Variants in ABHD12B observed in about 807,000 individuals in gnomAD.
The protein encoded by ABHD12B is abhydrolase domain containing 12B.
A neutral mutation model predicts 50.4 loss-of-function variants in ABHD12B; 42 were observed. That is an observed-to-expected ratio of 0.83 (90% CI 0.65 to 1.08). The LOEUF is 1.08. Ranked by LOEUF, ABHD12B falls within the 50% of genes least tolerant of loss-of-function variation. The pLI, the probability that ABHD12B is intolerant of heterozygous loss-of-function variation, is 0.00. For synonymous variants in ABHD12B, 167 were observed against 160.3 expected, an observed-to-expected ratio of 1.04 and a Z score of -0.32; for missense variants, 479 against 447.7, an observed-to-expected ratio of 1.07 and a Z score of -0.63.
At chr14:50,875,757 C>T (rs1243531975) in intron 1 of ABHD12B, among the ~76,000 whole-genome samples, 2 of 152,186 alleles carry the variant, frequency 1.3e-5, no homozygotes, top group Admixed American at 6.5e-5. Context: ...TCTGGTCACT[C>T]TGTTCTCTTC....
Position 50,872,289 on chromosome 14 carries a change from C to A in ABHD12B, c.104+11C>A. On this transcript the variant is annotated intron_variant, in intron 1 of 12. Coordinates refer to ENST00000337334, the MANE Select transcript of ABHD12B (RefSeq NM_001206673.2). ...CGACCGCAACCTGCGGTGAGTACCG[C>A]CCGGTCCACCCCTGGCCGGGCCCCG... 7.7e-7 allele frequency: 1 copy of A among 1,296,396 alleles called. No individual in the cohort carries two copies. The highest frequency in any genetic ancestry group is 9.8e-7 in the Non-Finnish European group (1 of 1,021,050). 80.3% of individuals were successfully genotyped at this position (1,296,396 alleles called of 1,614,324 possible). A position where few individuals can be genotyped will look rare whatever the true frequency, so the allele number is the denominator to read the frequency against.
intron 9 of ABHD12B, 34 bp downstream of exon 9, chr14:50,888,937 A>G: frequency 6.3e-7 from 1 of 1,580,092 alleles, no homozygotes; most frequent in Non-Finnish European, 8.7e-7. Flanking sequence ...AAGGGATCAA[A>G]GTAGGCTATT....
chr14:50,878,516 G>A (rs1043738369), intron 2 of ABHD12B, among the ~76,000 whole-genome samples: 1 of 152,180 alleles, frequency 6.6e-6, no homozygotes, highest in Non-Finnish European at 1.5e-5. Flanking sequence ...TCTCTATTAT[G>A]AGCCATGACA....
chr14:50,873,221 TC>T (rs2049810823), intron 1 of ABHD12B, among the ~76,000 whole-genome samples: 1 of 151,164 alleles, frequency 6.6e-6, no homozygotes, highest in African/African-American at 2.4e-5. Flanking sequence ...TCTCTCTCTC[TC>T]TTTTTTTTTT....
chr14:50,884,360 G>A (rs146673364), intron 5 of ABHD12B, among the ~76,000 whole-genome samples: 1,656 of 152,298 alleles, frequency 0.011, 31 homozygotes, highest in African/African-American at 0.036. Flanking sequence ...TGGAGGGAAT[G>A]TAACAGATAT....
At chr14:50,897,046 C>T (rs1024463138) in intron 9 of ABHD12B, among the ~76,000 whole-genome samples, 2 of 150,342 alleles carry the variant, frequency 1.3e-5, no homozygotes, top group Non-Finnish European at 3.0e-5. Context: ...GGTACATAAG[C>T]CTAATAATAT....
At chr14:50,902,894 A>G (rs2050278412) in intron 10 of ABHD12B, among the ~76,000 whole-genome samples, 1 of 152,220 alleles carries the variant, frequency 6.6e-6, no homozygotes, top group South Asian at 2.1e-4. Flanking sequence ...AGACCTGTTA[A>G]CTGCACGTCC....
At position 50,888,755 on chromosome 14, in the gene ABHD12B, C is replaced by T. The variant is rs1038953331; in HGVS notation, c.701-69C>T. 52 of 1,377,612 alleles carry T rather than the reference C, an allele frequency of 3.8e-5. No individual in the cohort carries two copies. In the Middle Eastern group the frequency reaches 1.4e-3, roughly 38 times the overall value. 85.3% of individuals were successfully genotyped at this position (1,377,612 alleles called of 1,614,324 possible). ...CTCATGTACAAGATCTTGAATACCCCTTATCTAGGAAAGATGGTATTTGAA... is the reference window on the plus strand; with the variant it reads ...CTCATGTACAAGATCTTGAATACCCTTTATCTAGGAAAGATGGTATTTGAA... On this transcript the variant is annotated intron_variant, in intron 8 of 12. Coordinates refer to ENST00000337334, the MANE Select transcript of ABHD12B (RefSeq NM_001206673.2).
intron 1 of ABHD12B, 26 bp from the exon 2 acceptor site, chr14:50,877,911 ATTAATTTCGAAAACC>A: frequency 6.8e-7 from 1 of 1,469,024 alleles, no homozygotes; most frequent in African/African-American, 1.4e-5. Context: ...AGACAAATGG[ATTAATTTCGAAAACC>A]TTGTGTGTTT....
At chr14:50,893,004 T>C (rs1221205975) in intron 9 of ABHD12B, 1 of 152,228 alleles carries the variant, frequency 6.6e-6, no homozygotes, top group Non-Finnish European at 1.5e-5. Context: ...CTGTGTATGA[T>C]TTTAGTCTTT....
chr14:50,877,617 G>A (rs772538242), intron 1 of ABHD12B, among the ~76,000 whole-genome samples: 1 of 152,160 alleles, frequency 6.6e-6, no homozygotes, highest in Admixed American at 6.5e-5. Context: ...AGAATTCCCA[G>A]TGTTAGTCTC....
At chr14:50,882,394 T>TTTTTTTTTTTTTTTAAA (rs10676977) in intron 5 of ABHD12B, among the ~76,000 whole-genome samples, 1 of 140,392 alleles carries the variant, frequency 7.1e-6, no homozygotes, top group Admixed American at 7.3e-5. Context: ...TTTTTTTTTT[T>TTTTTTTTTTTTTTTAAA]GAGACGGAGT....
Position 50,904,676 on chromosome 14 carries a change from G to T in ABHD12B, c.*310G>T. On this transcript the variant is annotated 3_prime_UTR_variant, in exon 13 of 13. Transcript: ENST00000337334. ...ACATTCTGTGGATATTTGTGAATAA[G>T]GTAGTTGCTATGGTCCGAATATCTG... The T allele has an allele frequency of 2.2e-6, 1 of 451,154 alleles. No individual in the cohort carries two copies. The highest frequency in any genetic ancestry group is 4.0e-6 in the Non-Finnish European group (1 of 248,340). The allele number at this position is 451,154 out of a possible 1,614,324, so 27.9% of individuals were successfully genotyped here.
chr14:50,882,857 G>A (rs966053449), intron 5 of ABHD12B, among the ~76,000 whole-genome samples: 14 of 151,702 alleles, frequency 9.2e-5, no homozygotes, highest in African/African-American at 3.4e-4. Flanking sequence ...TGCAATTCCA[G>A]CTACTCAGGA....
intron 9 of ABHD12B, among the ~76,000 whole-genome samples, chr14:50,897,323 C>T (rs1304852723): frequency 6.6e-6 from 1 of 152,146 alleles, no homozygotes; most frequent in African/African-American, 2.4e-5. Flanking sequence ...ATCCACCTGC[C>T]TCAGCCTCCC....
At position 50,885,855 on chromosome 14, in the gene ABHD12B, A is replaced by G. The variant is rs1316992775; in HGVS notation, c.622A>G (p.Ile208Val). The change falls in exon 7 of 13, where the codon ATC (isoleucine) becomes GTC (valine). Residue 208 changes from isoleucine to valine, a missense_variant. Ile to Val is a conservative substitution (Grantham distance 29, BLOSUM62 3). Transcript: ENST00000337334. Reference sequence around the variant, plus strand: ...TGAGTGGACCAAGGCAAGAAGTGGCATCACTCCCGTGTGTCTCTGGGGCCA... The same window carrying G: ...TGAGTGGACCAAGGCAAGAAGTGGCGTCACTCCCGTGTGTCTCTGGGGCCA... ...VYEWTKARSG[I>V]TPVCLWGHSL... 3.7e-6 allele frequency: 6 copies of G among 1,614,182 alleles called. No individual in the cohort carries two copies. The highest frequency in any genetic ancestry group is 1.6e-4 in the Middle Eastern group (1 of 6,062).
At chr14:50,877,866 C>CAAAAAAA in intron 1 of ABHD12B, 86 bp from the exon 2 acceptor site, 2 of 1,210,814 alleles carry the variant, frequency 1.7e-6, no homozygotes, top group Non-Finnish European at 2.2e-6. Context: ...GAACTCTGTC[C>CAAAAAAA]AAAAAAAAAC....
chr14:50,877,836 C>T (rs1311851970), intron 1 of ABHD12B, 116 bp from the exon 2 acceptor site: 52 of 1,124,322 alleles, frequency 4.6e-5, no homozygotes, highest in Admixed American at 1.6e-4. Context: ...CATTGCACTC[C>T]AGCCTGGGCA....
At chr14:50,896,174 G>A (rs1191277590) in intron 9 of ABHD12B, among the ~76,000 whole-genome samples, 2 of 151,976 alleles carry the variant, frequency 1.3e-5, no homozygotes, top group East Asian at 1.9e-4. Context: ...ATCCCGTCCT[G>A]CAGCATGCTT....
Sources: gnomAD v4.1 joint callset for allele counts (sites outside exome capture counted in the v4.1 genomes callset) on GRCh38, gnomAD v4.1.1 for gene constraint, MANE v1.5 for transcripts, NCBI Gene and HGNC (gene_info 2026-07-23, HGNC 2026-07-21) for gene names.